The following MCTP1 variants were observed in gnomAD, a reference collection of about 807,000 sequenced individuals.
The protein encoded by MCTP1 is multiple C2 and transmembrane domain-containing protein 1.
Under a neutral mutation model 120.6 loss-of-function variants are expected in MCTP1, and 69 were observed. That is an observed-to-expected ratio of 0.57 (90% CI 0.47 to 0.70). The LOEUF is 0.70. MCTP1 is among the 30% of genes least tolerant of loss of function. MCTP1 has a pLI of 0.00. For synonymous variants in MCTP1, 529 were observed against 493.1 expected, an observed-to-expected ratio of 1.07 and a Z score of -0.96; for missense variants, 1,203 against 1,248.8, an observed-to-expected ratio of 0.96 and a Z score of 0.55.
chr5:94,906,624 A>T (rs1300807568), intron 10 of MCTP1, among the ~76,000 whole-genome samples: 2 of 152,242 alleles, frequency 1.3e-5, no homozygotes, highest in East Asian at 3.8e-4. Context: ...AAACTCTGTT[A>T]TTGAGTTTGC....
chr5:94,986,711 A>C (rs187648281), intron 2 of MCTP1, among the ~76,000 whole-genome samples: 1 of 152,146 alleles, frequency 6.6e-6, no homozygotes, highest in East Asian at 1.9e-4. Context: ...GGATTTCCTC[A>C]TGTTGGCCAG....
chr5:95,169,151 A>C (rs921821963), intron 1 of MCTP1, among the ~76,000 whole-genome samples: 4 of 152,230 alleles, frequency 2.6e-5, no homozygotes, highest in African/African-American at 9.6e-5. Context: ...CTTTTGAGAT[A>C]ATCATGTGGT....
intron 10 of MCTP1, among the ~76,000 whole-genome samples, chr5:94,902,570 T>G (rs1047561924): frequency 5.3e-5 from 8 of 152,152 alleles, no homozygotes; most frequent in African/African-American, 1.7e-4. Flanking sequence ...GTATGAAGCT[T>G]TTTGAGATTT....
At chr5:95,109,564 G>C (rs749744882) in intron 1 of MCTP1, among the ~76,000 whole-genome samples, 1 of 151,690 alleles carries the variant, frequency 6.6e-6, no homozygotes, top group African/African-American at 2.4e-5. Context: ...AAAAAATTTC[G>C]TACCAGAAAG....
intron 6 of MCTP1, among the ~76,000 whole-genome samples, chr5:94,926,237 C>G (rs565826934): frequency 6.6e-6 from 1 of 152,136 alleles, no homozygotes; most frequent in African/African-American, 2.4e-5. Flanking sequence ...ATTACAAACT[C>G]AAAACCTTCA....
intron 6 of MCTP1, among the ~76,000 whole-genome samples, chr5:94,925,857 T>C (rs780619053): frequency 2.6e-5 from 4 of 152,226 alleles, no homozygotes; most frequent in African/African-American, 4.8e-5. Flanking sequence ...TTCTAATTTA[T>C]AAGAGTAGTA....
intron 1 of MCTP1, among the ~76,000 whole-genome samples, chr5:95,049,180 C>T (rs1745278581): frequency 6.6e-6 from 1 of 152,148 alleles, no homozygotes; most frequent in Non-Finnish European, 1.5e-5. Context: ...AGTGCTGACT[C>T]TAAACATCAT....
intron 1 of MCTP1, among the ~76,000 whole-genome samples, chr5:95,257,507 TTA>T (rs1758012799): frequency 6.6e-6 from 1 of 152,172 alleles, no homozygotes; most frequent in South Asian, 2.1e-4. Context: ...TTCAATGAAC[TTA>T]TATTCATAGA....
In MCTP1 at chr5:95,095,006, ATTTTTTTTTTTTTTTTTTT is replaced by A. The variant is rs756132693; in HGVS notation, c.721-77541_721-77523del. ...TTTTTTCTTTTATTTGTTATGTTAG[ATTTTTTTTTTTTTTTTTTT>A]TTTTTTTTTTTTTTTTGAGACGGAG... On this transcript the variant is annotated intron_variant, in intron 1 of 22. Transcript: ENST00000515393. Among the ~76,000 whole-genome samples, 10 of 36,962 alleles carry A rather than the reference ATTTTTTTTTTTTTTTTTTT, an allele frequency of 2.7e-4. No homozygotes were observed. The East Asian group carries it at 4.7e-3, about 17-fold the overall frequency. The allele number at this position is 36,962 out of a possible 152,430, so 24.2% of individuals were successfully genotyped here. A position where few individuals can be genotyped will look rare whatever the true frequency, so the allele number is the denominator to read the frequency against.
At chr5:95,059,765 TG>T (rs1238412902) in intron 1 of MCTP1, among the ~76,000 whole-genome samples, 1 of 152,036 alleles carries the variant, frequency 6.6e-6, no homozygotes, top group African/African-American at 2.4e-5. Context: ...GTGGTGACAG[TG>T]GTCATGGGAT....
At chr5:94,776,297 A>T (rs1775306487) in intron 19 of MCTP1, among the ~76,000 whole-genome samples, 1 of 152,122 alleles carries the variant, frequency 6.6e-6, no homozygotes. Context: ...GACTAATATC[A>T]ATGCTGGCTC....
At chr5:94,870,132 T>C (rs27002) in intron 16 of MCTP1, among the ~76,000 whole-genome samples, 117,899 of 152,078 alleles carry the variant, frequency 0.78, 47,041 homozygotes, top group African/African-American at 0.89. Context: ...CTTTTGCTAA[T>C]GCATGAATAC....
intron 18 of MCTP1, among the ~76,000 whole-genome samples, chr5:94,783,366 T>C (rs1438846264): frequency 1.3e-5 from 2 of 152,166 alleles, no homozygotes; most frequent in African/African-American, 4.8e-5. Context: ...ATTGTATCTA[T>C]AGACCATATA....
At chr5:95,003,200 C>CT (rs1292330558) in intron 2 of MCTP1, among the ~76,000 whole-genome samples, 1 of 152,142 alleles carries the variant, frequency 6.6e-6, no homozygotes. Flanking sequence ...TTGGGTATTT[C>CT]TTATAGCAAC....
intron 1 of MCTP1, among the ~76,000 whole-genome samples, chr5:95,275,521 C>T (rs1759758989): frequency 6.6e-6 from 1 of 152,094 alleles, no homozygotes; most frequent in South Asian, 2.1e-4. Context: ...TCAGTGTTAT[C>T]CAATAAAAAT....
intron 1 of MCTP1, among the ~76,000 whole-genome samples, chr5:95,077,475 T>C (rs1417297792): frequency 1.3e-5 from 2 of 151,926 alleles, no homozygotes; most frequent in African/African-American, 2.4e-5. Flanking sequence ...TCATTATATA[T>C]ACTTTTTTTT....
At chr5:95,184,292 A>AT (rs904096817) in intron 1 of MCTP1, among the ~76,000 whole-genome samples, 75 of 152,366 alleles carry the variant, frequency 4.9e-4, no homozygotes, top group African/African-American at 1.5e-3. Context: ...ACACATCCAA[A>AT]TAACAATAAA....
intron 1 of MCTP1, among the ~76,000 whole-genome samples, chr5:95,049,915 T>C (rs1457399979): frequency 6.6e-6 from 1 of 152,156 alleles, no homozygotes; most frequent in East Asian, 1.9e-4. Flanking sequence ...TTAAATATGT[T>C]CTAAAAATAC....
At chr5:95,101,501 A>C (rs1484279742) in intron 1 of MCTP1, among the ~76,000 whole-genome samples, 2 of 152,224 alleles carry the variant, frequency 1.3e-5, no homozygotes, top group Non-Finnish European at 2.9e-5. Flanking sequence ...CCATCAACCT[A>C]ACGTGGATTC....
Sources: gnomAD v4.1 joint callset for allele counts (sites outside exome capture counted in the v4.1 genomes callset) on GRCh38, gnomAD v4.1.1 for gene constraint, MANE v1.5 for transcripts, NCBI Gene and HGNC (gene_info 2026-07-23, HGNC 2026-07-21) for gene names.